Variants in PRKAR1A observed in about 807,000 individuals in gnomAD.
PRKAR1A encodes cAMP-dependent protein kinase type I-alpha regulatory subunit.
Under a neutral mutation model 52.0 loss-of-function variants are expected in PRKAR1A, and 3 were observed. The ratio of observed to expected loss-of-function variants is 0.06; its 90% CI spans 0.03 to 0.15. The LOEUF (loss-of-function observed/expected upper bound fraction) is 0.15, where lower values mean the gene tolerates loss of function less well. Among genes scored for constraint, PRKAR1A ranks in the 10% least tolerant of loss-of-function variants. PRKAR1A has a pLI of 1.00. For synonymous variants in PRKAR1A, 188 were observed against 168.4 expected, an observed-to-expected ratio of 1.12 and a Z score of -0.90; for missense variants, 240 against 477.4, an observed-to-expected ratio of 0.50 and a Z score of 4.63.
the PRKAR1A span, among the ~76,000 whole-genome samples, chr17:68,496,986 G>C: frequency 6.6e-6 from 1 of 151,754 alleles, no homozygotes; most frequent in Non-Finnish European, 1.5e-5. Flanking sequence ...ACCATGTCTG[G>C]CCCATTTTTG....
At chr17:68,461,003 T>G in the PRKAR1A span, among the ~76,000 whole-genome samples, 10 of 152,216 alleles carry the variant, frequency 6.6e-5, no homozygotes, top group Non-Finnish European at 1.3e-4. This position sits in a 1 kb window ranked among gnomAD's most constrained non-coding sequence, Gnocchi z 4.6. Flanking sequence ...ACTCTTGATT[T>G]GAATGTTGGG....
chr17:68,454,335 A>C, the PRKAR1A span, among the ~76,000 whole-genome samples: 1 of 152,196 alleles, frequency 6.6e-6, no homozygotes, highest in Non-Finnish European at 1.5e-5. Flanking sequence ...AAAATAAGCA[A>C]CTTACTATTA....
the PRKAR1A span, among the ~76,000 whole-genome samples, chr17:68,479,386 T>A: frequency 6.6e-6 from 1 of 152,250 alleles, no homozygotes; most frequent in East Asian, 1.9e-4. Flanking sequence ...TTTGCAATTT[T>A]GCTTTGCTAT....
At chr17:68,437,071 C>T in the PRKAR1A span, among the ~76,000 whole-genome samples, 14 of 145,784 alleles carry the variant, frequency 9.6e-5, no homozygotes, top group Non-Finnish European at 8.9e-5. Flanking sequence ...TACCCCAGGA[C>T]TCTGAAACAG....
the PRKAR1A span, among the ~76,000 whole-genome samples, chr17:68,497,123 T>C: frequency 6.6e-6 from 1 of 152,198 alleles, no homozygotes; most frequent in Non-Finnish European, 1.5e-5. Flanking sequence ...TGTGCCTGGC[T>C]GTATATTTTT....
At chr17:68,463,036 CG>C in the PRKAR1A span, among the ~76,000 whole-genome samples, 1 of 152,148 alleles carries the variant, frequency 6.6e-6, no homozygotes, top group Admixed American at 6.5e-5. Context: ...TCTAGTCTAG[CG>C]GTGGTGCAGG....
the PRKAR1A span, among the ~76,000 whole-genome samples, chr17:68,429,180 G>A: frequency 2.0e-5 from 3 of 151,558 alleles, no homozygotes; most frequent in East Asian, 2.0e-4. Context: ...TAGATGCTGC[G>A]ACCCTGCGAG....
the PRKAR1A span, among the ~76,000 whole-genome samples, chr17:68,432,838 G>T: frequency 5.3e-5 from 8 of 152,184 alleles, no homozygotes; most frequent in Non-Finnish European, 1.0e-4. Flanking sequence ...ACTGGGGGCT[G>T]CTCCTTTCTC....
the PRKAR1A span, among the ~76,000 whole-genome samples, chr17:68,479,861 G>A: frequency 6.6e-6 from 1 of 152,174 alleles, no homozygotes; most frequent in Non-Finnish European, 1.5e-5. Flanking sequence ...ATGGTAGAAG[G>A]GGAAGAAAAC....
upstream of PRKAR1A, among the ~76,000 whole-genome samples, chr17:68,510,805 A>T (rs931727574): frequency 6.6e-6 from 1 of 152,138 alleles, no homozygotes; most frequent in African/African-American, 2.4e-5. Context: ...TGCCCTTTTG[A>T]TATCGCCTAT....
Position 68,533,174 on chromosome 17 carries a change from A to T in PRKAR1A, c.*2725A>T. 9.5e-7 allele frequency: 1 copy of T among 1,051,644 alleles called. No homozygotes were observed. The allele number at this position is 1,051,644 out of a possible 1,614,324, so 65.1% of individuals were successfully genotyped here. On this transcript the variant is annotated 3_prime_UTR_variant, in exon 11 of 11. Coordinates refer to ENST00000589228, the MANE Select transcript of PRKAR1A (RefSeq NM_002734.5). ...ACTTAGGGATACTTTTATATTTTGC[A>T]TATATAAAGCCTCATATATAAAGCC...
At chr17:68,502,755 GAAAAAAAA>G in the PRKAR1A span, among the ~76,000 whole-genome samples, 68 of 86,312 alleles carry the variant, frequency 7.9e-4, no homozygotes, top group Middle Eastern at 0.01. Context: ...TTCATCTCAG[GAAAAAAAA>G]AAAAAAAAAA....
At chr17:68,542,616 C>T in intron 11 of PRKAR1A, 1 of 1,088,364 alleles carries the variant, frequency 9.2e-7, no homozygotes, top group Non-Finnish European at 1.4e-6. Context: ...GGGTGTCAGG[C>T]CACTGATGAA....
intron 11 of PRKAR1A, chr17:68,541,679 G>A (rs965869356): frequency 1.8e-5 from 5 of 278,852 alleles, no homozygotes; most frequent in East Asian, 7.2e-5. Flanking sequence ...CTGTGTTTTC[G>A]TGATCTGGCT....
chr17:68,525,688 AG>A, intron 6 of PRKAR1A, 65 bp from the exon 7 acceptor site: 2 of 1,544,198 alleles, frequency 1.3e-6, no homozygotes, highest in Non-Finnish European at 1.8e-6. Flanking sequence ...AAAAGGTTTG[AG>A]GGTTTTTAAC....
chr17:68,450,877 T>C, the PRKAR1A span: 21 of 1,613,134 alleles, frequency 1.3e-5, no homozygotes, highest in Non-Finnish European at 1.8e-5. Flanking sequence ...CGCTCCACGA[T>C]GTAGACGTCC....
chr17:68,487,279 T>A, the PRKAR1A span, among the ~76,000 whole-genome samples: 1 of 152,208 alleles, frequency 6.6e-6, no homozygotes, highest in Non-Finnish European at 1.5e-5. Context: ...AAAATGTAGA[T>A]AACCAACATT....
chr17:68,433,497 G>A, the PRKAR1A span: 2 of 1,614,116 alleles, frequency 1.2e-6, no homozygotes, highest in South Asian at 2.2e-5. Context: ...GCTTGAAGAT[G>A]TGTACCGTCT....
At chr17:68,530,046 C>T (rs772887549) in intron 10 of PRKAR1A, 45 bp downstream of exon 10, 5 of 1,579,048 alleles carry the variant, frequency 3.2e-6, no homozygotes, top group Non-Finnish European at 3.5e-6. Flanking sequence ...TTCTTTAAGT[C>T]ACCTCTCAGT....
Sources: allele counts gnomAD v4.1 joint callset (sites outside exome capture counted in the v4.1 genomes callset), GRCh38; gene constraint gnomAD v4.1.1; non-coding constraint Gnocchi (gnomAD v3.1); transcripts MANE v1.5; gene names NCBI Gene and HGNC (gene_info 2026-07-23, HGNC 2026-07-21).